The following RABGAP1L variants were observed in gnomAD, a reference collection of about 807,000 sequenced individuals.
The protein encoded by RABGAP1L is rab GTPase-activating protein 1-like.
RABGAP1L carries 63 observed loss-of-function variants against 137.7 expected under a neutral mutation model. The ratio of observed to expected loss-of-function variants is 0.46; its 90% CI spans 0.37 to 0.56. The LOEUF (loss-of-function observed/expected upper bound fraction) is 0.56, where lower values mean the gene tolerates loss of function less well. RABGAP1L is among the 20% of genes least tolerant of loss of function. The probability of loss-of-function intolerance (pLI) is 0.00; values close to 1 mark genes in which losing one functional copy is unlikely to be tolerated. For synonymous variants in RABGAP1L, 431 were observed against 433.7 expected, an observed-to-expected ratio of 0.99 and a Z score of 0.08; for missense variants, 1,095 against 1,244.0, an observed-to-expected ratio of 0.88 and a Z score of 1.80.
chr1:174,760,052 T>G (rs892996910), intron 18 of RABGAP1L, among the ~76,000 whole-genome samples: 1 of 152,172 alleles, frequency 6.6e-6, no homozygotes, highest in Non-Finnish European at 1.5e-5. Context: ...GAGGTAGGTT[T>G]GAGAAGATGG....
intron 1 of RABGAP1L, among the ~76,000 whole-genome samples, chr1:174,203,480 A>G (rs907079115): frequency 6.6e-6 from 1 of 152,030 alleles, no homozygotes; most frequent in Non-Finnish European, 1.5e-5. Context: ...CTGTTTTTGT[A>G]CCCGTACCAT....
At chr1:174,555,987 G>A (rs916373179) in intron 13 of RABGAP1L, among the ~76,000 whole-genome samples, 2 of 140,956 alleles carry the variant, frequency 1.4e-5, no homozygotes, top group African/African-American at 2.6e-5. Context: ...AGCTGAGTTC[G>A]TTTGCCTTTT....
chr1:174,422,995 T>C (rs1175034867), intron 13 of RABGAP1L, among the ~76,000 whole-genome samples: 4 of 141,736 alleles, frequency 2.8e-5, no homozygotes, highest in African/African-American at 1.0e-4. Flanking sequence ...TAGCTAAAAA[T>C]AGTGAATAGT....
intron 13 of RABGAP1L, among the ~76,000 whole-genome samples, chr1:174,451,121 G>A (rs1332832776): frequency 2.0e-5 from 3 of 152,112 alleles, no homozygotes; most frequent in Non-Finnish European, 4.4e-5. Context: ...TTATACTTCT[G>A]TAGCTTGGGT....
At chr1:174,245,203 G>A (rs1283022159) in intron 5 of RABGAP1L, 1 of 152,222 alleles carries the variant, frequency 6.6e-6, no homozygotes, top group African/African-American at 2.4e-5. Context: ...TTCCCAAGTA[G>A]TTGGGATTAC....
At chr1:174,816,797 T>C (rs2987870) in intron 19 of RABGAP1L, among the ~76,000 whole-genome samples, 1 of 149,878 alleles carries the variant, frequency 6.7e-6, no homozygotes, top group Non-Finnish European at 1.5e-5. Context: ...AATGGCGCGA[T>C]CCCTGCCTCC....
chr1:174,986,021 T>G (rs1671566058), intron 24 of RABGAP1L, among the ~76,000 whole-genome samples: 1 of 152,006 alleles, frequency 6.6e-6, no homozygotes, highest in Admixed American at 6.6e-5. Flanking sequence ...TCACTGCAAC[T>G]TCTGCCTCCC....
At chr1:174,620,274 C>A (rs1297482303) in intron 13 of RABGAP1L, among the ~76,000 whole-genome samples, 1 of 152,146 alleles carries the variant, frequency 6.6e-6, no homozygotes, top group Non-Finnish European at 1.5e-5. Context: ...CAGCTCTGCA[C>A]CAAGCAGACC....
chr1:174,981,291 G>T (rs929628708), intron 23 of RABGAP1L, among the ~76,000 whole-genome samples: 3 of 152,128 alleles, frequency 2.0e-5, no homozygotes, highest in Non-Finnish European at 2.9e-5. Context: ...AGGGTTTAAG[G>T]TTTGCAGAAT....
chr1:174,609,678 A>G lies in RABGAP1L; in HGVS notation c.1711-27697A>G, dbSNP rs78467617. Among the ~76,000 whole-genome samples the G allele has an allele frequency of 2.5e-3, 384 of 152,314 alleles. 1 individual carries two copies. The highest frequency in any genetic ancestry group is 4.1e-3 in the Admixed American group (62 of 15,290). On this transcript the variant is annotated intron_variant, in intron 13 of 25. Transcript: ENST00000681986. ...TTTCTGTGAAAAAGTTAACATGTAA[A>G]CTAAGACAGATACCTGAGATTTAAA...
intron 17 of RABGAP1L, among the ~76,000 whole-genome samples, chr1:174,732,201 C>A (rs369475419): frequency 0.16 from 22,936 of 144,946 alleles, 1,885 homozygotes; most frequent in South Asian, 0.18. Context: ...CCATCCCCCC[C>A]AAAAAAAAAA....
intron 13 of RABGAP1L, among the ~76,000 whole-genome samples, chr1:174,487,842 C>G (rs554381247): frequency 2.0e-5 from 3 of 152,044 alleles, no homozygotes; most frequent in African/African-American, 7.2e-5. Context: ...ATCTTATAAC[C>G]CATTATTTTA....
chr1:174,713,561 A>G (rs1267488083), intron 17 of RABGAP1L, among the ~76,000 whole-genome samples: 1 of 151,868 alleles, frequency 6.6e-6, no homozygotes, highest in Admixed American at 6.6e-5. Flanking sequence ...TTTCCCTCAA[A>G]CCCTGCTCTC....
chr1:174,926,385 T>G (rs931377057), intron 19 of RABGAP1L, among the ~76,000 whole-genome samples: 3 of 152,192 alleles, frequency 2.0e-5, no homozygotes, highest in African/African-American at 4.8e-5. Flanking sequence ...AATTGATATC[T>G]TCATATAGTT....
At chr1:174,705,938 C>T (rs942578171) in intron 17 of RABGAP1L, among the ~76,000 whole-genome samples, 6 of 151,982 alleles carry the variant, frequency 3.9e-5, no homozygotes, top group African/African-American at 7.3e-5. Context: ...TTTGAGGTTA[C>T]GACTCAATGT....
At chr1:174,843,050 A>G (rs1404044143) in intron 19 of RABGAP1L, among the ~76,000 whole-genome samples, 1 of 152,070 alleles carries the variant, frequency 6.6e-6, no homozygotes. Context: ...CAATTATTCC[A>G]TACTTAAAAC....
chr1:174,181,944 T>C (rs1440160296), intron 1 of RABGAP1L, among the ~76,000 whole-genome samples: 1 of 152,166 alleles, frequency 6.6e-6, no homozygotes, highest in Admixed American at 6.5e-5. Flanking sequence ...TAAGAAGATA[T>C]TTTAAAATAG....
chr1:174,613,769 A>G (rs1671504105), intron 13 of RABGAP1L, among the ~76,000 whole-genome samples: 1 of 152,206 alleles, frequency 6.6e-6, no homozygotes, highest in Non-Finnish European at 1.5e-5. Flanking sequence ...TATTTAGGAT[A>G]GTTAGCTCTT....
chr1:174,255,002 G>A (rs1210655974), intron 7 of RABGAP1L, among the ~76,000 whole-genome samples: 1 of 152,150 alleles, frequency 6.6e-6, no homozygotes, highest in Non-Finnish European at 1.5e-5. Flanking sequence ...AGCATCTGTT[G>A]TTTCTTGACT....
Sources: allele counts gnomAD v4.1 joint callset (sites outside exome capture counted in the v4.1 genomes callset), GRCh38; gene constraint gnomAD v4.1.1; transcripts MANE v1.5; gene names NCBI Gene and HGNC (gene_info 2026-07-23, HGNC 2026-07-21).